LSM12: variants seen among roughly 807,000 people sequenced by gnomAD.
The protein encoded by LSM12 is LSM12 homolog.
For synonymous variants in LSM12, 74 were observed against 87.3 expected (o/e 0.85, Z 0.85); for missense variants, 108 against 238.9 (o/e 0.45, Z 3.61).
rs2144060251 is a variant in LSM12 at position 44,035,784 on chromosome 17, T to A, written c.*424A>T. On this transcript the variant is annotated 3_prime_UTR_variant, in exon 5 of 5. Coordinates refer to ENST00000293406, the MANE Select transcript of LSM12 (RefSeq NM_001371445.1). ...CAATTTAAGAATCACAGTCAGCTTG[T>A]TACTTTTATTTTGGAAGAAAAGATG... The A allele has an allele frequency of 6.5e-6, 1 of 154,016 alleles. No individual in the cohort carries two copies. Among genetic ancestry groups the A allele is most frequent in the East Asian group, 1.9e-4 (1 of 5,282 alleles). The allele number at this position is 154,016 out of a possible 1,614,324, so 9.5% of individuals were successfully genotyped here.
intron 2 of LSM12, among the ~76,000 whole-genome samples, chr17:44,045,325 C>G (rs761677239): frequency 2.4e-4 from 37 of 152,280 alleles, no homozygotes; most frequent in Non-Finnish European, 5.0e-4. Flanking sequence ...CATGCCTGGC[C>G]TTAAATCTAT....
Position 44,056,100 on chromosome 17 carries a change from T to G in LSM12, c.258+7701A>C, listed in dbSNP as rs112704754. Among the ~76,000 whole-genome samples, 495 of 151,166 alleles carry G rather than the reference T, an allele frequency of 3.3e-3. 5 individuals carry two copies. The highest frequency in any genetic ancestry group is 0.011 in the African/African-American group (471 of 41,224). The stretch of plus-strand genomic sequence containing the variant: ...CTGACCAACACAGAGAAACCCCATC[T>G]CTGCTAAAAATACAAAAAAAAAATT... On this transcript the variant is annotated intron_variant, in intron 2 of 4. Coordinates refer to ENST00000293406, the MANE Select transcript of LSM12 (RefSeq NM_001371445.1).
At chr17:44,061,294 G>A (rs1255838456) in intron 2 of LSM12, among the ~76,000 whole-genome samples, 1 of 145,252 alleles carries the variant, frequency 6.9e-6, no homozygotes, top group Non-Finnish European at 1.5e-5. Context: ...TCCAGCCTGG[G>A]CAACAAGAGC....
At chr17:44,062,363 A>C (rs1206239800) in intron 2 of LSM12, among the ~76,000 whole-genome samples, 1 of 152,156 alleles carries the variant, frequency 6.6e-6, no homozygotes, top group Non-Finnish European at 1.5e-5. Flanking sequence ...TTAACTGTGA[A>C]GGACAAGGTA....
Position 44,051,924 on chromosome 17 carries a change from A to G in LSM12, c.259-11668T>C, listed in dbSNP as rs1453490688. Among the ~76,000 whole-genome samples the G allele has an allele frequency of 7.2e-5, 11 of 152,230 alleles. No individual in the cohort carries two copies. The South Asian group carries it at 2.3e-3, about 32-fold the overall frequency. On this transcript the variant is annotated intron_variant, in intron 2 of 4. Coordinates refer to ENST00000293406, the MANE Select transcript of LSM12 (RefSeq NM_001371445.1). ...CGAGTTCAAGACCAGCCTGGCCAAC[A>G]TGGTGAAACCCCATCTCTACTAAAA...
intron 2 of LSM12, among the ~76,000 whole-genome samples, chr17:44,040,735 G>T (rs1377410596): frequency 2.6e-5 from 4 of 151,772 alleles, no homozygotes; most frequent in Admixed American, 6.6e-5. Flanking sequence ...AGCACTTTGG[G>T]AGGCCGAGGC....
At chr17:44,057,409 A>G (rs1186812735) in intron 2 of LSM12, among the ~76,000 whole-genome samples, 1 of 149,810 alleles carries the variant, frequency 6.7e-6, no homozygotes, top group Non-Finnish European at 1.5e-5. Flanking sequence ...CGGCCTCTCA[A>G]AGTGCTAGGA....
chr17:44,041,286 A>ACAAACACACACAC (rs1555623711), intron 2 of LSM12, among the ~76,000 whole-genome samples: 9 of 113,532 alleles, frequency 7.9e-5, no homozygotes, highest in Non-Finnish European at 1.2e-4. Context: ...AAAAAAAAAA[A>ACAAACACACACAC]ACAAACACAC....
intron 2 of LSM12, among the ~76,000 whole-genome samples, chr17:44,054,510 T>C (rs1347600456): frequency 1.3e-5 from 2 of 152,314 alleles, no homozygotes; most frequent in South Asian, 4.1e-4. Context: ...GGGTCTATGT[T>C]GCCCATGCTG....
At chr17:44,037,650 C>T (rs1468153462) in intron 3 of LSM12, 112 bp from the exon 4 acceptor site, 1 of 1,299,732 alleles carries the variant, frequency 7.7e-7, no homozygotes, top group South Asian at 1.7e-5. Flanking sequence ...GCTCACCACT[C>T]AGCCAACAAC....
At chr17:44,049,921 C>T (rs2049620348) in intron 2 of LSM12, among the ~76,000 whole-genome samples, 1 of 152,138 alleles carries the variant, frequency 6.6e-6, no homozygotes, top group Non-Finnish European at 1.5e-5. Context: ...CAACCAGCTG[C>T]CCTCACAGAG....
upstream of LSM12, chr17:44,066,838 G>A (rs928313909): frequency 1.9e-5 from 6 of 322,260 alleles, no homozygotes; most frequent in Non-Finnish European, 3.2e-5. Context: ...TAGAAGTTAA[G>A]GATAAATGAC....
At chr17:44,051,864 T>C (rs928323873) in intron 2 of LSM12, among the ~76,000 whole-genome samples, 6 of 152,008 alleles carry the variant, frequency 3.9e-5, no homozygotes, top group East Asian at 1.9e-4. Flanking sequence ...TCCCAGCATT[T>C]TGAGAGGCCG....
At chr17:44,061,224 G>A (rs868252972) in intron 2 of LSM12, among the ~76,000 whole-genome samples, 1 of 150,862 alleles carries the variant, frequency 6.6e-6, no homozygotes, top group African/African-American at 2.4e-5. Context: ...GGCTGAGGCA[G>A]GAGAATCACT....
chr17:44,057,796 T>C (rs2049738182), intron 2 of LSM12, among the ~76,000 whole-genome samples: 1 of 151,194 alleles, frequency 6.6e-6, no homozygotes, highest in African/African-American at 2.4e-5. Flanking sequence ...TAATAATACA[T>C]AAAGTCAAAG....
chr17:44,046,875 C>T (rs12944638), intron 2 of LSM12, among the ~76,000 whole-genome samples: 1,932 of 149,552 alleles, frequency 0.013, 57 homozygotes, highest in African/African-American at 0.046. Flanking sequence ...GGATTACAGG[C>T]GCCCGCCACC....
At position 44,063,920 on chromosome 17, in the gene LSM12, T is replaced by C; in HGVS notation, c.139A>G (p.Ser47Gly). The C allele has an allele frequency of 6.2e-7, 1 of 1,612,538 alleles. No homozygotes were observed. Among genetic ancestry groups the C allele is most frequent in the Non-Finnish European group, 8.5e-7 (1 of 1,179,488 alleles). The change falls in exon 2 of 5, where the codon AGT becomes GGT. Residue 47 changes from serine to glycine, a missense_variant. Coordinates refer to ENST00000293406, the MANE Select transcript of LSM12 (RefSeq NM_001371445.1). ...KMLALKCPSS[S>G]GKPNHADILL... ...ATGTCTGCATGGTTGGGCTTTCCAC[T>C]GGAAGAGGGACATTCTGGTGAGAAA...
intron 2 of LSM12, among the ~76,000 whole-genome samples, chr17:44,048,083 T>G (rs1023101944): frequency 3.3e-5 from 5 of 149,584 alleles, no homozygotes; most frequent in Admixed American, 3.3e-4. Flanking sequence ...AAAGAGTTCT[T>G]TATACATTCT....
chr17:44,059,754 C>G (rs1263936287), intron 2 of LSM12, among the ~76,000 whole-genome samples: 1 of 150,466 alleles, frequency 6.6e-6, no homozygotes, highest in Non-Finnish European at 1.5e-5. Context: ...AAGCCCTTCT[C>G]TTCCATTTCC....
Sources: gnomAD v4.1 joint callset for allele counts (sites outside exome capture counted in the v4.1 genomes callset) on GRCh38, gnomAD v4.1.1 for gene constraint, MANE v1.5 for transcripts, NCBI Gene and HGNC (gene_info 2026-07-23, HGNC 2026-07-21) for gene names.